The following NPHP4 variants were observed in gnomAD, a reference collection of about 807,000 sequenced individuals.
NPHP4 encodes nephrocystin-4.
In NPHP4, 151 loss-of-function variants were observed where a neutral mutation model predicts 155.8. The ratio of observed to expected loss-of-function variants is 0.97; its 90% CI spans 0.85 to 1.11. The LOEUF is 1.11. NPHP4 is among the 50% of genes least tolerant of loss of function. The pLI is 0.00. For synonymous variants in NPHP4, 845 were observed against 816.8 expected, an observed-to-expected ratio of 1.03 and a Z score of -0.59; for missense variants, 1,956 against 1,925.7, an observed-to-expected ratio of 1.02 and a Z score of -0.29.
chr1:5,948,889 A>T (rs1172383841), intron 7 of NPHP4, among the ~76,000 whole-genome samples: 1 of 152,228 alleles, frequency 6.6e-6, no homozygotes, highest in Non-Finnish European at 1.5e-5. Flanking sequence ...GCGCTATAAC[A>T]AATGAACAAG....
rs775927621 is a variant in NPHP4 at position 5,978,270 on chromosome 1, C to A, written c.279G>T (p.Glu93Asp). 12 of 1,604,668 alleles carry A rather than the reference C, an allele frequency of 7.5e-6. No individual in the cohort carries two copies. The African/African-American group carries it at 1.6e-4, about 21-fold the overall frequency. The change falls in exon 3 of 30, where the codon GAG becomes GAT. Residue 93 changes from glutamate (E) to aspartate (D), a missense_variant and splice_region_variant. Coordinates refer to ENST00000378156, the MANE Select transcript of NPHP4 (RefSeq NM_015102.5). Reference sequence around the variant, plus strand: ...CCCTGCCACCATCACCAGGGCCCACCTCATTAAAGACGATCCTGGACGGCG... The same window carrying A: ...CCCTGCCACCATCACCAGGGCCCACATCATTAAAGACGATCCTGGACGGCG... ...KRPPSRIVFN[E>D]PLYFHTSLNH...
Position 5,944,461 on chromosome 1 carries a change from T to C in NPHP4, c.1119+2643A>G, listed in dbSNP as rs1307798053. 1.3e-5 allele frequency among the ~76,000 whole-genome samples: 2 copies of C among 152,220 alleles called. No homozygotes were observed. Among genetic ancestry groups the C allele is most frequent in the African/African-American group, 4.8e-5 (2 of 41,452 alleles). On this transcript the variant is annotated intron_variant, in intron 9 of 29. Transcript: ENST00000378156. This position sits in a 1 kb window ranked among gnomAD's most constrained non-coding sequence, Gnocchi z 4.3. Reference sequence around the variant, plus strand: ...CCACCGTCACAGACGGCCCCGCCATTGTGCCTTTCTCCTCTCACGTCCCGC... The same window carrying C: ...CCACCGTCACAGACGGCCCCGCCATCGTGCCTTTCTCCTCTCACGTCCCGC...
intron 3 of NPHP4, among the ~76,000 whole-genome samples, chr1:5,970,506 AAAAG>A (rs1285844182): frequency 2.0e-5 from 3 of 152,130 alleles, no homozygotes; most frequent in Admixed American, 6.6e-5. Flanking sequence ...TTGTCTAATA[AAAAG>A]AAAGAAAGAA....
At chr1:5,953,608 C>G (rs1648618825) in intron 6 of NPHP4, among the ~76,000 whole-genome samples, 1 of 152,256 alleles carries the variant, frequency 6.6e-6, no homozygotes. Flanking sequence ...GTCAAGGCAA[C>G]CAGCAAAATA....
intron 11 of NPHP4, among the ~76,000 whole-genome samples, chr1:5,920,493 G>A (rs1349853581): frequency 3.9e-5 from 6 of 152,202 alleles, no homozygotes; most frequent in East Asian, 1.9e-4. Context: ...ACATGTGGTC[G>A]CTTCCCTCAA....
chr1:5,918,222 C>A (rs1362502873), intron 11 of NPHP4, among the ~76,000 whole-genome samples: 1 of 152,132 alleles, frequency 6.6e-6, no homozygotes, highest in African/African-American at 2.4e-5. Context: ...TTAGGCAGGG[C>A]TTTACAGATA....
intron 16 of NPHP4, among the ~76,000 whole-genome samples, chr1:5,903,903 G>A (rs976825887): frequency 1.1e-4 from 16 of 152,168 alleles, no homozygotes; most frequent in African/African-American, 2.7e-4. Context: ...AGGGCGCAGC[G>A]GAGGTGCAGG....
chr1:5,972,218 A>G (rs534996167), intron 3 of NPHP4, among the ~76,000 whole-genome samples: 25 of 152,372 alleles, frequency 1.6e-4, no homozygotes, highest in Non-Finnish European at 3.1e-4. Context: ...AACTGTTTTA[A>G]TAAGCCTTTA....
chr1:5,895,827 C>T (rs1037163570), intron 16 of NPHP4, among the ~76,000 whole-genome samples: 1 of 152,236 alleles, frequency 6.6e-6, no homozygotes, highest in Non-Finnish European at 1.5e-5. Flanking sequence ...AGCATAACCA[C>T]CCCACAGAGC....
intron 11 of NPHP4, among the ~76,000 whole-genome samples, chr1:5,924,493 C>G (rs1645897220): frequency 6.6e-6 from 1 of 152,038 alleles, no homozygotes; most frequent in African/African-American, 2.4e-5. Flanking sequence ...GAAAACAGGG[C>G]AGCCAGGGAA....
At chr1:5,893,756 G>A (rs529683150) in intron 16 of NPHP4, among the ~76,000 whole-genome samples, 1 of 152,326 alleles carries the variant, frequency 6.6e-6, no homozygotes, top group South Asian at 2.1e-4. Context: ...TTCCCGGTCT[G>A]CTAAGTAGCG....
intron 3 of NPHP4, among the ~76,000 whole-genome samples, chr1:5,975,198 A>G (rs991505300): frequency 6.6e-6 from 1 of 152,198 alleles, no homozygotes; most frequent in Non-Finnish European, 1.5e-5. Context: ...ATGGATGTGC[A>G]CACATGTTTG....
intron 2 of NPHP4, among the ~76,000 whole-genome samples, chr1:5,981,745 TG>T (rs1205761803): frequency 1.3e-5 from 2 of 152,248 alleles, no homozygotes; most frequent in East Asian, 3.8e-4. Flanking sequence ...GTATTTTGAT[TG>T]ATCTTTGTAA....
intron 16 of NPHP4, among the ~76,000 whole-genome samples, chr1:5,900,673 G>C (rs1644630292): frequency 6.6e-6 from 1 of 152,138 alleles, no homozygotes; most frequent in South Asian, 2.1e-4. Context: ...AATGCAGAAT[G>C]AACTTTAGTG....
intron 29 of NPHP4, 140 bp downstream of exon 29, chr1:5,863,750 G>A (rs941924787): frequency 1.2e-6 from 1 of 866,044 alleles, no homozygotes; most frequent in Non-Finnish European, 1.9e-6. Context: ...ACCCAACTAT[G>A]GGATGGTACC....
At position 5,947,211 on chromosome 1, in the gene NPHP4, C is replaced by G; in HGVS notation, c.1012G>C (p.Val338Leu). ...SKTSSGSQALVLRSRLRLPEM... is the reference protein window; with the variant it reads ...SKTSSGSQALLLRSRLRLPEM... Reference sequence around the variant, plus strand: ...GGGAGGCGGAGGCGGCTTCTCAAAACCAGAGCTTGGCTCCCGGAGCTGGGT... The same window carrying G: ...GGGAGGCGGAGGCGGCTTCTCAAAAGCAGAGCTTGGCTCCCGGAGCTGGGT... Residue 338 changes from valine to leucine, a missense_variant, in exon 9 of 30, where the codon GTT becomes CTT. Physicochemically the swap from Val to Leu is conservative, Grantham distance 32. Coordinates refer to ENST00000378156, the MANE Select transcript of NPHP4 (RefSeq NM_015102.5). 6.2e-7 allele frequency: 1 copy of G among 1,613,842 alleles called. No individual in the cohort carries two copies. Among genetic ancestry groups the G allele is most frequent in the African/African-American group, 1.3e-5 (1 of 75,032 alleles).
chr1:5,975,306 C>T (rs556118992), intron 3 of NPHP4, among the ~76,000 whole-genome samples: 1 of 152,322 alleles, frequency 6.6e-6, no homozygotes, highest in South Asian at 2.1e-4. Context: ...GTACAGAACA[C>T]GCTGCTCAAC....
intron 5 of NPHP4, among the ~76,000 whole-genome samples, chr1:5,963,968 G>A (rs763583543): frequency 1.4e-4 from 21 of 152,164 alleles, no homozygotes; most frequent in Admixed American, 7.9e-4. Flanking sequence ...GATTACAGGC[G>A]TGAACCACCG....
At chr1:5,903,755 G>A (rs12090534) in intron 16 of NPHP4, among the ~76,000 whole-genome samples, 3,171 of 152,278 alleles carry the variant, frequency 0.021, 90 homozygotes, top group African/African-American at 0.069. Flanking sequence ...TTGATGCCAG[G>A]AAGTTTCTGG....
Sources: gnomAD v4.1 joint callset for allele counts (sites outside exome capture counted in the v4.1 genomes callset) on GRCh38, gnomAD v4.1.1 for gene constraint, Gnocchi (gnomAD v3.1) non-coding constraint, MANE v1.5 for transcripts, NCBI Gene and HGNC (gene_info 2026-07-23, HGNC 2026-07-21) for gene names.